The following PDE12 variants were observed in gnomAD, a reference collection of about 807,000 sequenced individuals.
PDE12 encodes the protein 2',5'-phosphodiesterase 12.
Under a neutral mutation model 45.4 loss-of-function variants are expected in PDE12, and 26 were observed. That is an observed-to-expected ratio of 0.57 (90% CI 0.42 to 0.79). The LOEUF (loss-of-function observed/expected upper bound fraction) is 0.79, where lower values mean the gene tolerates loss of function less well. Among genes scored for constraint, PDE12 ranks in the 30% least tolerant of loss-of-function variants. The probability of loss-of-function intolerance (pLI) is 0.00; values close to 1 mark genes in which losing one functional copy is unlikely to be tolerated. For synonymous variants in PDE12, 283 were observed against 323.9 expected, an observed-to-expected ratio of 0.87 and a Z score of 1.36; for missense variants, 668 against 790.0, an observed-to-expected ratio of 0.85 and a Z score of 1.85.
chr3:57,633,587 C>T, the PDE12 span, among the ~76,000 whole-genome samples: 1 of 152,042 alleles, frequency 6.6e-6, no homozygotes, highest in African/African-American at 2.4e-5. Flanking sequence ...TCATCCCATA[C>T]TGTGAAAATG....
chr3:57,648,925 C>A, the PDE12 span, among the ~76,000 whole-genome samples: 1 of 152,094 alleles, frequency 6.6e-6, no homozygotes, highest in Non-Finnish European at 1.5e-5. Context: ...TAGAAGATAA[C>A]ATTGGAAAAA....
chr3:57,589,821 G>A, the PDE12 span, among the ~76,000 whole-genome samples: 2 of 151,104 alleles, frequency 1.3e-5, no homozygotes, highest in Non-Finnish European at 2.9e-5. Flanking sequence ...AGCCGGGCAC[G>A]GTGGCTCACA....
chr3:57,609,681 C>G, the PDE12 span, among the ~76,000 whole-genome samples: 1 of 151,972 alleles, frequency 6.6e-6, no homozygotes, highest in Non-Finnish European at 1.5e-5. Context: ...AAGACTAAAC[C>G]AGGAAGAAGT....
the PDE12 span, among the ~76,000 whole-genome samples, chr3:57,648,657 A>T: frequency 6.6e-6 from 1 of 152,234 alleles, no homozygotes; most frequent in East Asian, 1.9e-4. Flanking sequence ...TGGTACTGGT[A>T]TAAAAATAGG....
the PDE12 span, among the ~76,000 whole-genome samples, chr3:57,602,997 T>C: frequency 0.026 from 3,961 of 151,632 alleles, 170 homozygotes; most frequent in African/African-American, 0.09. Flanking sequence ...TGAAACCCCG[T>C]CTCTACTAAA....
the PDE12 span, among the ~76,000 whole-genome samples, chr3:57,615,244 G>C: frequency 6.6e-6 from 1 of 152,052 alleles, no homozygotes; most frequent in Admixed American, 6.6e-5. Context: ...TAATACTAAT[G>C]AGCTCACTTA....
At position 57,560,764 on chromosome 3, in the gene PDE12, A is replaced by G. The variant is rs2153407570; in HGVS notation, c.*760A>G. The G allele has an allele frequency of 1.0e-6, 1 of 985,654 alleles. No individual in the cohort carries two copies. The highest frequency in any genetic ancestry group is 1.2e-6 in the Non-Finnish European group (1 of 829,710). The allele number at this position is 985,654 out of a possible 1,614,324, so 61.1% of individuals were successfully genotyped here. A position where few individuals can be genotyped will look rare whatever the true frequency, so the allele number is the denominator to read the frequency against. On this transcript the variant is annotated 3_prime_UTR_variant, in exon 3 of 3. Coordinates refer to ENST00000311180, the MANE Select transcript of PDE12 (RefSeq NM_177966.7). ...GCTTATGTACTAAGAGGGAAAATGTATTTAAGTTAAGGGTGAGAGACTTAA... is the reference window on the plus strand; with the variant it reads ...GCTTATGTACTAAGAGGGAAAATGTGTTTAAGTTAAGGGTGAGAGACTTAA...
the PDE12 span, among the ~76,000 whole-genome samples, chr3:57,586,539 C>T: frequency 3.9e-5 from 6 of 152,102 alleles, no homozygotes. Context: ...CCTTTTATTC[C>T]TTTGTCCTGT....
At chr3:57,584,737 C>A in the PDE12 span, among the ~76,000 whole-genome samples, 3 of 152,064 alleles carry the variant, frequency 2.0e-5, no homozygotes, top group African/African-American at 7.2e-5. Flanking sequence ...AGCTTTGCGA[C>A]AAACTAGTTG....
chr3:57,633,352 A>G, the PDE12 span: 40 of 1,612,722 alleles, frequency 2.5e-5, 2 homozygotes, highest in Middle Eastern at 4.8e-3. Flanking sequence ...TCTGTTGTAC[A>G]CCCTTAAAAG....
chr3:57,637,552 A>G, the PDE12 span, among the ~76,000 whole-genome samples: 1 of 151,836 alleles, frequency 6.6e-6, no homozygotes. Flanking sequence ...TCCTTGTAGA[A>G]CTCACAGTCT....
At chr3:57,577,241 A>C in the PDE12 span, 6 of 1,237,022 alleles carry the variant, frequency 4.9e-6, no homozygotes, top group Non-Finnish European at 7.1e-6. Context: ...TCATAGTCAA[A>C]ATGTACTAAA....
At chr3:57,638,100 C>T in the PDE12 span, among the ~76,000 whole-genome samples, 1 of 152,050 alleles carries the variant, frequency 6.6e-6, no homozygotes, top group Non-Finnish European at 1.5e-5. Context: ...TGCCACCGTA[C>T]TCCAGCCTGG....
At chr3:57,559,532 T>TA (rs2069704241) in intron 2 of PDE12, 30 bp from the exon 3 acceptor site, 1 of 1,572,850 alleles carries the variant, frequency 6.4e-7, no homozygotes, top group African/African-American at 1.4e-5. Flanking sequence ...CTTTAAAAAA[T>TA]ACTTACATTA....
At chr3:57,648,028 G>A in the PDE12 span, among the ~76,000 whole-genome samples, 252 of 152,156 alleles carry the variant, frequency 1.7e-3, 1 homozygote, top group African/African-American at 5.7e-3. Flanking sequence ...TCAGAGAAGA[G>A]AAAGAAATAA....
the PDE12 span, among the ~76,000 whole-genome samples, chr3:57,603,159 T>A: frequency 6.6e-6 from 1 of 150,996 alleles, no homozygotes; most frequent in Non-Finnish European, 1.5e-5. Context: ...ACAGCGAGAC[T>A]CCGTCTCAAA....
At chr3:57,583,448 A>G in the PDE12 span, among the ~76,000 whole-genome samples, 1 of 152,204 alleles carries the variant, frequency 6.6e-6, no homozygotes, top group Non-Finnish European at 1.5e-5. Context: ...TATACATACT[A>G]TGTGGCAATA....
At chr3:57,575,519 G>A in the PDE12 span, 2 of 1,590,320 alleles carry the variant, frequency 1.3e-6, no homozygotes, top group Non-Finnish European at 1.7e-6. Flanking sequence ...TAATAGTCAA[G>A]AGGTTAATAT....
the PDE12 span, among the ~76,000 whole-genome samples, chr3:57,613,168 A>C: frequency 6.7e-6 from 1 of 150,054 alleles, no homozygotes; most frequent in Middle Eastern, 3.4e-3. Flanking sequence ...TTTAGTAGAG[A>C]TGGGGTTTCA....
Sources: gnomAD v4.1 joint callset for allele counts (sites outside exome capture counted in the v4.1 genomes callset) on GRCh38, gnomAD v4.1.1 for gene constraint, MANE v1.5 for transcripts, NCBI Gene and HGNC (gene_info 2026-07-23, HGNC 2026-07-21) for gene names.